PPFIA2: variants seen among roughly 807,000 people sequenced by gnomAD.
PPFIA2 encodes liprin-alpha-2.
PPFIA2 carries 46 observed loss-of-function variants against 175.5 expected under a neutral mutation model. The ratio of observed to expected loss-of-function variants is 0.26; its 90% CI spans 0.21 to 0.34. PPFIA2 has a LOEUF of 0.34. Among genes scored for constraint, PPFIA2 ranks in the 10% least tolerant of loss-of-function variants. The pLI is 1.00. For synonymous variants in PPFIA2, 568 were observed against 511.4 expected, an observed-to-expected ratio of 1.11 and a Z score of -1.49; for missense variants, 1,179 against 1,506.1, an observed-to-expected ratio of 0.78 and a Z score of 3.60.
intron 23 of PPFIA2, 51 bp downstream of exon 23, chr12:81,299,250 T>G (rs2047230620): frequency 6.6e-7 from 1 of 1,510,516 alleles, no homozygotes; most frequent in Non-Finnish European, 8.9e-7. Flanking sequence ...TCAAAAAAAT[T>G]ATCAACTTAG....
intron 24 of PPFIA2, among the ~76,000 whole-genome samples, chr12:81,285,824 T>C (rs931315889): frequency 1.3e-5 from 2 of 152,148 alleles, no homozygotes; most frequent in African/African-American, 4.8e-5. Flanking sequence ...TTTTAAATCA[T>C]TATTTTACAG....
intron 4 of PPFIA2, chr12:81,472,906 G>T (rs2056953812): frequency 6.6e-6 from 1 of 152,120 alleles, no homozygotes. Flanking sequence ...GCTTTCTTGG[G>T]AAGCACTTTG....
intron 4 of PPFIA2, among the ~76,000 whole-genome samples, chr12:81,534,549 A>G (rs2065106266): frequency 6.6e-6 from 1 of 151,648 alleles, no homozygotes. Flanking sequence ...TTTACTTTTC[A>G]TTCTTTTAAA....
intron 4 of PPFIA2, among the ~76,000 whole-genome samples, chr12:81,551,409 A>G (rs2067897885): frequency 6.6e-6 from 1 of 152,046 alleles, no homozygotes; most frequent in South Asian, 2.1e-4. Context: ...ATGTCCAAAC[A>G]GATAAAAAAT....
At chr12:81,421,908 C>T (rs2046306286) in intron 7 of PPFIA2, among the ~76,000 whole-genome samples, 2 of 151,544 alleles carry the variant, frequency 1.3e-5, no homozygotes, top group Non-Finnish European at 2.9e-5. Context: ...GGTAGTTATG[C>T]TTATATCATG....
intron 21 of PPFIA2, among the ~76,000 whole-genome samples, chr12:81,327,461 A>C (rs10862293): frequency 0.74 from 112,692 of 151,980 alleles, 43,989 homozygotes; most frequent in Non-Finnish European, 0.88. Flanking sequence ...TCATCTGTAT[A>C]TTTGCCTTAC....
At chr12:81,523,488 A>G (rs1303626077) in intron 4 of PPFIA2, among the ~76,000 whole-genome samples, 1 of 152,206 alleles carries the variant, frequency 6.6e-6, no homozygotes, top group Admixed American at 6.5e-5. Context: ...AAGGACATGC[A>G]TGCACCTCAC....
Position 81,373,279 on chromosome 12 carries a change from C to G in PPFIA2, c.1266+1355G>C, listed in dbSNP as rs1239973019. On this transcript the variant is annotated intron_variant, in intron 11 of 32. Transcript: ENST00000549396. The stretch of plus-strand genomic sequence containing the variant: ...ACTCATCTAACCCCCCAAAACAGTG[C>G]AATTGAAAAAGATAACTCTTTTTGA... 3.3e-5 allele frequency among the ~76,000 whole-genome samples: 5 copies of G among 151,614 alleles called. No homozygotes were observed. The Admixed American group carries it at 3.3e-4, about 10-fold the overall frequency.
chr12:81,558,013 T>C (rs2069197465), intron 4 of PPFIA2, among the ~76,000 whole-genome samples: 1 of 152,048 alleles, frequency 6.6e-6, no homozygotes, highest in African/African-American at 2.4e-5. Flanking sequence ...AAATCTACCA[T>C]TATAATAGGG....
chr12:81,731,817 G>A (rs1462743201), intron 3 of PPFIA2, among the ~76,000 whole-genome samples: 2 of 151,488 alleles, frequency 1.3e-5, no homozygotes, highest in Non-Finnish European at 3.0e-5. Context: ...TAGAATGGTG[G>A]TTCAGATTAA....
Position 81,332,703 on chromosome 12 carries a change from T to C in PPFIA2, c.2548+6477A>G, listed in dbSNP as rs2056371729. 2.6e-5 allele frequency among the ~76,000 whole-genome samples: 4 copies of C among 152,334 alleles called. 1 individual carries two copies. Among genetic ancestry groups the C allele is most frequent in the Admixed American group, 2.6e-4 (4 of 15,304 alleles). On this transcript the variant is annotated intron_variant, in intron 21 of 32. Coordinates refer to ENST00000549396, the MANE Select transcript of PPFIA2 (RefSeq NM_003625.5). ...TGTGCCCACACTTGTTCCACAGGGA[T>C]AGGAACTCAATGAAGTATTTTTTGA... is the stretch of plus-strand genomic sequence containing the variant.
chr12:81,345,788 A>G (rs745469968), intron 18 of PPFIA2, among the ~76,000 whole-genome samples: 4 of 152,300 alleles, frequency 2.6e-5, no homozygotes, highest in Middle Eastern at 3.4e-3. Context: ...GCAAGAGACA[A>G]TAACACTTTT....
chr12:81,505,271 T>TAAAAAA (rs575686286), intron 4 of PPFIA2, among the ~76,000 whole-genome samples: 3 of 127,436 alleles, frequency 2.4e-5, no homozygotes, highest in Admixed American at 7.8e-5. Context: ...AAAGTATAAT[T>TAAAAAA]AAAAAAAAAA....
chr12:81,464,813 G>A (rs1260404560), intron 4 of PPFIA2, among the ~76,000 whole-genome samples: 1 of 150,598 alleles, frequency 6.6e-6, no homozygotes, highest in Non-Finnish European at 1.5e-5. Context: ...CAGACACAGA[G>A]CATTCTATTT....
chr12:81,434,726 A>G (rs1371021581), intron 7 of PPFIA2, among the ~76,000 whole-genome samples: 1 of 152,100 alleles, frequency 6.6e-6, no homozygotes, highest in African/African-American at 2.4e-5. Flanking sequence ...ATAAATATTA[A>G]CTATGATTAC....
intron 4 of PPFIA2, among the ~76,000 whole-genome samples, chr12:81,644,700 C>G (rs1235554354): frequency 6.6e-6 from 1 of 152,008 alleles, no homozygotes; most frequent in Non-Finnish European, 1.5e-5. Context: ...CATGGTTAAG[C>G]ATGTGTTCCC....
chr12:81,399,255 C>T (rs2041713223), intron 8 of PPFIA2, among the ~76,000 whole-genome samples: 1 of 115,186 alleles, frequency 8.7e-6, no homozygotes, highest in East Asian at 2.9e-4. Context: ...TCCAGTCAGT[C>T]AGTCTTTTAA....
At chr12:81,320,952 A>T (rs1252749964) in intron 22 of PPFIA2, among the ~76,000 whole-genome samples, 1 of 152,052 alleles carries the variant, frequency 6.6e-6, no homozygotes, top group Non-Finnish European at 1.5e-5. Context: ...ACAAGTCTTC[A>T]GTTTGAAAGA....
chr12:81,473,075 G>C (rs181188763), intron 4 of PPFIA2: 1 of 152,128 alleles, frequency 6.6e-6, no homozygotes, highest in Non-Finnish European at 1.5e-5. Context: ...AACAAGCCTT[G>C]TAAGTATTGA....
Sources: allele counts gnomAD v4.1 joint callset (sites outside exome capture counted in the v4.1 genomes callset), GRCh38; gene constraint gnomAD v4.1.1; transcripts MANE v1.5; gene names NCBI Gene and HGNC (gene_info 2026-07-23, HGNC 2026-07-21).